Variants in ANKRD11 observed in about 807,000 individuals in gnomAD.
ANKRD11 encodes the protein ankyrin repeat domain 11, also known as ankyrin repeat domain-containing protein 11.
Under a neutral mutation model 195.7 loss-of-function variants are expected in ANKRD11, and 17 were observed. The observed-to-expected ratio is 0.09, with a 90% CI of 0.06 to 0.13. ANKRD11 has a LOEUF of 0.13. ANKRD11 is among the 10% of genes least tolerant of loss of function. ANKRD11 has a pLI of 1.00. For synonymous variants in ANKRD11, 1,953 were observed against 1,528.1 expected (o/e 1.28, Z -6.49); for missense variants, 3,735 against 3,566.1 (o/e 1.05, Z -1.21).
intron 9 of ANKRD11, chr16:89,278,454 G>A: frequency 2.2e-6 from 1 of 448,568 alleles, no homozygotes; most frequent in South Asian, 1.6e-5. Context: ...AGGAGCTGGG[G>A]GAGTGGGGGT....
chr16:89,355,933 G>A (rs1199482984), intron 2 of ANKRD11, among the ~76,000 whole-genome samples: 4 of 152,318 alleles, frequency 2.6e-5, no homozygotes, highest in South Asian at 2.1e-4. Context: ...GCTCAGGAAC[G>A]CTAAGTGACT....
intron 11 of ANKRD11, among the ~76,000 whole-genome samples, chr16:89,274,096 G>A (rs7206646): frequency 0.19 from 28,393 of 152,174 alleles, 3,419 homozygotes; most frequent in East Asian, 0.43. Flanking sequence ...AGTGGTGGCT[G>A]GAGGATGATT....
chr16:89,276,853 T>G (rs1482705795), intron 9 of ANKRD11, among the ~76,000 whole-genome samples: 2 of 152,044 alleles, frequency 1.3e-5, no homozygotes, highest in Non-Finnish European at 2.9e-5. Context: ...GTCAGGAGTT[T>G]GAGACCAGCC....
Position 89,346,202 on chromosome 16 carries a change from C to A in ANKRD11, c.-59-29124G>T, listed in dbSNP as rs558005563. Among the ~76,000 whole-genome samples the A allele has an allele frequency of 2.1e-5, 3 of 145,020 alleles. No homozygotes were observed. In the East Asian group the frequency reaches 6.0e-4, roughly 29 times the overall value. On this transcript the variant is annotated intron_variant, in intron 2 of 12. Coordinates refer to ENST00000301030, the MANE Select transcript of ANKRD11 (RefSeq NM_013275.6). ...AGGTGAGGTTGTAATGAGCCAAGAT[C>A]ACGCCACGGCACTCCAGCCTGGGCG... is the stretch of plus-strand genomic sequence containing the variant.
chr16:89,464,577 C>T (rs2056815848), intron 1 of ANKRD11, among the ~76,000 whole-genome samples: 1 of 140,686 alleles, frequency 7.1e-6, no homozygotes, highest in African/African-American at 2.6e-5. Context: ...CACTGCACTC[C>T]AGCCTGGGCG....
At chr16:89,302,255 T>C (rs2035902598) in intron 4 of ANKRD11, among the ~76,000 whole-genome samples, 1 of 152,136 alleles carries the variant, frequency 6.6e-6, no homozygotes, top group Admixed American at 6.5e-5. Context: ...TTGGACTCGC[T>C]ACTATTTATT....
intron 1 of ANKRD11, among the ~76,000 whole-genome samples, chr16:89,434,677 G>A (rs2043139629): frequency 6.6e-6 from 1 of 152,234 alleles, no homozygotes; most frequent in African/African-American, 2.4e-5. Flanking sequence ...AGAGTGGCGT[G>A]TGGGATGGGC....
intron 2 of ANKRD11, among the ~76,000 whole-genome samples, chr16:89,381,831 G>GA (rs2040670779): frequency 6.6e-6 from 1 of 152,224 alleles, no homozygotes; most frequent in African/African-American, 2.4e-5. Context: ...AAGAGGTAGA[G>GA]GTCAGATGAG....
chr16:89,363,668 C>T (rs539256201), intron 2 of ANKRD11, among the ~76,000 whole-genome samples: 53 of 152,282 alleles, frequency 3.5e-4, no homozygotes, highest in African/African-American at 1.2e-3. Context: ...AAGCACCACA[C>T]GCTGCTTCCC....
chr16:89,423,060 G>A (rs1420439553), intron 1 of ANKRD11, among the ~76,000 whole-genome samples: 1 of 152,148 alleles, frequency 6.6e-6, no homozygotes, highest in Non-Finnish European at 1.5e-5. Flanking sequence ...CCACACCGCT[G>A]CTCCTTCAGA....
chr16:89,278,337 C>T lies in ANKRD11; in HGVS notation c.7470+735G>A, dbSNP rs2033836379. 8.5e-6 allele frequency: 3 copies of T among 353,646 alleles called. No individual in the cohort carries two copies. The East Asian group carries it at 2.3e-4, about 27-fold the overall frequency. The allele number at this position is 353,646 out of a possible 1,614,324, so 21.9% of individuals were successfully genotyped here. ...AGGAGGAGGTGGGAACCCAGTCAGG[C>T]CCCGCGGCCCAGGGCAGAGAGTGCA... On this transcript the variant is annotated intron_variant, in intron 9 of 12. Transcript: ENST00000301030.
At chr16:89,379,122 A>G (rs1283099824) in intron 2 of ANKRD11, among the ~76,000 whole-genome samples, 2 of 152,158 alleles carry the variant, frequency 1.3e-5, no homozygotes, top group Admixed American at 6.5e-5. Context: ...GGCCTTTCTC[A>G]CTGGCTTCTA....
chr16:89,294,385 T>G (rs74033736), intron 4 of ANKRD11, among the ~76,000 whole-genome samples: 2,603 of 152,170 alleles, frequency 0.017, 69 homozygotes, highest in African/African-American at 0.059. Context: ...TTTTTACTTG[T>G]CCTGACACCA....
chr16:89,298,794 G>A (rs967164240), intron 4 of ANKRD11: 3 of 152,230 alleles, frequency 2.0e-5, no homozygotes, highest in African/African-American at 7.2e-5. Context: ...GCTTCCCTTT[G>A]TATGAGAAAC....
At position 89,281,627 on chromosome 16, in the gene ANKRD11, C is replaced by G; in HGVS notation, c.4915G>C (p.Ala1639Pro). Residue 1639 changes from alanine to proline, a missense_variant, in exon 9 of 13, where the codon GCT becomes CCT. Transcript: ENST00000301030. This position sits in a 1 kb window ranked among gnomAD's most constrained non-coding sequence, Gnocchi z 5.5. ...DGRKKGLDIP[A>P]KKPPGLDPPF... ...GGGTCCAGCCCCGGCGGTTTCTTAG[C>G]AGGAATGTCCAGACCCTTCTTCCGC... 2 of 1,614,194 alleles carry G rather than the reference C, an allele frequency of 1.2e-6. No homozygotes were observed. Among genetic ancestry groups the G allele is most frequent in the Non-Finnish European group, 1.7e-6 (2 of 1,180,030 alleles).
Position 89,280,790 on chromosome 16 carries a change from G to C in ANKRD11, c.5752C>G (p.Gln1918Glu). The C allele has an allele frequency of 6.2e-7, 1 of 1,611,106 alleles. No individual in the cohort carries two copies. The change falls in exon 9 of 13, where the codon CAG becomes GAG. Residue 1918 changes from glutamine (Q) to glutamate (E), a missense_variant. Gln to Glu is a conservative substitution (Grantham distance 29). Transcript: ENST00000301030. ...GGGGGGATGATGGCGGCCGTCGCCT[G>C]CTGGTCCTCGGAGGTGTCCAGGTCC... is the stretch of plus-strand genomic sequence containing the variant. Reference protein sequence around the residue: ...PPDLDTSEDQQATAAIIPPEP... With the variant: ...PPDLDTSEDQEATAAIIPPEP...
chr16:89,307,496 G>A (rs553188188), intron 3 of ANKRD11, among the ~76,000 whole-genome samples: 34 of 152,332 alleles, frequency 2.2e-4, no homozygotes, highest in Non-Finnish European at 4.7e-4. Flanking sequence ...CCTCTCCAGT[G>A]AGACACGGGG....
chr16:89,366,691 G>T (rs1423721441), intron 2 of ANKRD11, among the ~76,000 whole-genome samples: 1 of 152,184 alleles, frequency 6.6e-6, no homozygotes, highest in Non-Finnish European at 1.5e-5. Flanking sequence ...TCTAGACAGA[G>T]GTGCGGCACA....
chr16:89,485,037 G>A lies in ANKRD11; in HGVS notation c.-145+5208C>T, dbSNP rs1345700894. 2.0e-5 allele frequency among the ~76,000 whole-genome samples: 3 copies of A among 151,786 alleles called. No homozygotes were observed. The East Asian group carries it at 5.8e-4, about 30-fold the overall frequency. On this transcript the variant is annotated intron_variant, in intron 1 of 12. Transcript: ENST00000301030. ...ACCTCCAAGAGGAAGAGAGAAAGCGGGTGTGGGGAAGCCCAGAAGACTGGA... is the reference window on the plus strand; with the variant it reads ...ACCTCCAAGAGGAAGAGAGAAAGCGAGTGTGGGGAAGCCCAGAAGACTGGA...
Sources: allele counts gnomAD v4.1 joint callset (sites outside exome capture counted in the v4.1 genomes callset), GRCh38; gene constraint gnomAD v4.1.1; non-coding constraint Gnocchi (gnomAD v3.1); transcripts MANE v1.5; gene names NCBI Gene and HGNC (gene_info 2026-07-23, HGNC 2026-07-21).